The following SLC9A8 variants were observed in gnomAD, a reference collection of about 807,000 sequenced individuals.
SLC9A8 encodes the protein sodium/hydrogen exchanger 8.
A neutral mutation model predicts 66.6 loss-of-function variants in SLC9A8; 48 were observed. That is an observed-to-expected ratio of 0.72 (90% CI 0.57 to 0.92). SLC9A8 has a LOEUF of 0.92. Ranked by LOEUF, SLC9A8 falls within the 40% of genes least tolerant of loss-of-function variation. The probability of loss-of-function intolerance (pLI) is 0.00; values close to 1 mark genes in which losing one functional copy is unlikely to be tolerated. For synonymous variants in SLC9A8, 274 were observed against 282.6 expected, an observed-to-expected ratio of 0.97 and a Z score of 0.31; for missense variants, 599 against 747.3, an observed-to-expected ratio of 0.80 and a Z score of 2.31.
At chr20:49,860,445 G>A (rs1304304202) in intron 8 of SLC9A8, among the ~76,000 whole-genome samples, 2 of 152,104 alleles carry the variant, frequency 1.3e-5, no homozygotes, top group Admixed American at 6.6e-5. Flanking sequence ...GGCCTGGCAT[G>A]GTGGTTCATG....
At chr20:49,836,523 T>C (rs1035324946) in intron 3 of SLC9A8, among the ~76,000 whole-genome samples, 3 of 151,936 alleles carry the variant, frequency 2.0e-5, no homozygotes, top group African/African-American at 4.8e-5. Flanking sequence ...AGAGACGGGG[T>C]TTCACCATGT....
chr20:49,834,680 C>T (rs2087459928), intron 3 of SLC9A8, among the ~76,000 whole-genome samples: 1 of 151,748 alleles, frequency 6.6e-6, no homozygotes. Context: ...AATAATATCA[C>T]ATTGTATTTT....
rs2088808249 is a variant in SLC9A8, at chr20:49,862,946, C to G, written c.731C>G (p.Thr244Arg). The G allele has an allele frequency of 6.2e-7, 1 of 1,612,174 alleles. No homozygotes were observed. The highest frequency in any genetic ancestry group is 8.5e-7 in the Non-Finnish European group (1 of 1,178,714). The change falls in exon 9 of 16, where the codon ACA becomes AGA. Residue 244 changes from threonine (T) to arginine (R), a missense_variant. Thr to Arg is a moderately conservative substitution (Grantham distance 71). This residue lies in a region of SLC9A8 where 467 missense variants were observed against 626.5 expected (regional missense o/e 0.75). Transcript: ENST00000361573. Reference sequence around the variant, plus strand: ...TTTCCTAGCACAGCTGAAGGTTTAACAAGAAAAAATATGTCAGATGTCAGT... The same window carrying G: ...TTTCCTAGCACAGCTGAAGGTTTAAGAAGAAAAAATATGTCAGATGTCAGT... ...IVLTNTAEGL[T>R]RKNMSDVSGW...
chr20:49,816,235 C>T (rs1310632427), intron 2 of SLC9A8, among the ~76,000 whole-genome samples: 2 of 152,052 alleles, frequency 1.3e-5, no homozygotes, highest in East Asian at 3.9e-4. Flanking sequence ...GCCTGGCCAA[C>T]ATGGTGAAAC....
At chr20:49,834,465 C>CAGTG (rs2087446528) in intron 3 of SLC9A8, among the ~76,000 whole-genome samples, 1 of 64,444 alleles carries the variant, frequency 1.6e-5, no homozygotes, top group Non-Finnish European at 3.6e-5. Flanking sequence ...TATATATATA[C>CAGTG]TGTGTATATA....
At chr20:49,884,267 CACACACG>C (rs1350916671) in intron 14 of SLC9A8, 5 of 324,000 alleles carry the variant, frequency 1.5e-5, no homozygotes, top group Admixed American at 9.4e-5. Flanking sequence ...ACGACACACA[CACACACG>C]ACACACACAC....
At chr20:49,863,247 C>T (rs1037520738) in intron 9 of SLC9A8, among the ~76,000 whole-genome samples, 180 bp downstream of exon 9, 6 of 152,080 alleles carry the variant, frequency 3.9e-5, no homozygotes, top group African/African-American at 1.2e-4. Context: ...TTTAATCTAA[C>T]GTGAAATTTA....
intron 2 of SLC9A8, among the ~76,000 whole-genome samples, chr20:49,820,513 T>C (rs908769766): frequency 6.6e-6 from 1 of 151,886 alleles, no homozygotes; most frequent in Non-Finnish European, 1.5e-5. Context: ...AAAAAAATTA[T>C]AGCTATCCTA....
In SLC9A8 at chr20:49,812,907, C is replaced by G; in HGVS notation, c.-16C>G. ...CCCCGCGGCTCCGAACTCGGTGGTC[C>G]TGGAAGCTCCGCAGGATGGGGGAGA... On this transcript the variant is annotated 5_prime_UTR_variant, in exon 1 of 16. Coordinates refer to ENST00000361573, the MANE Select transcript of SLC9A8 (RefSeq NM_015266.3). 6.7e-7 allele frequency: 1 copy of G among 1,492,534 alleles called. No individual in the cohort carries two copies. Among genetic ancestry groups the G allele is most frequent in the South Asian group, 1.2e-5 (1 of 81,490 alleles). The allele number at this position is 1,492,534 out of a possible 1,614,324, so 92.5% of individuals were successfully genotyped here.
intron 5 of SLC9A8, among the ~76,000 whole-genome samples, chr20:49,846,190 T>C (rs74597310): frequency 0.037 from 5,612 of 152,294 alleles, 154 homozygotes; most frequent in East Asian, 0.096. Flanking sequence ...TTAAGCCTGC[T>C]TGTGTGCGTG....
At chr20:49,866,393 T>C (rs974901390) in intron 10 of SLC9A8, among the ~76,000 whole-genome samples, 2 of 152,252 alleles carry the variant, frequency 1.3e-5, no homozygotes, top group Admixed American at 6.5e-5. Flanking sequence ...GGATTAAGGC[T>C]GCTAGGTCAT....
chr20:49,876,650 C>A (rs1437871034), intron 11 of SLC9A8, among the ~76,000 whole-genome samples: 1 of 152,172 alleles, frequency 6.6e-6, no homozygotes, highest in Non-Finnish European at 1.5e-5. Flanking sequence ...CATTATCCCG[C>A]CAAGGGAAGA....
At chr20:49,834,329 CTG>C (rs201925240) in intron 3 of SLC9A8, among the ~76,000 whole-genome samples, 8 of 97,572 alleles carry the variant, frequency 8.2e-5, no homozygotes, top group Admixed American at 3.2e-4. Context: ...TATATATATA[CTG>C]TGTATATATA....
At chr20:49,838,793 G>A (rs548506838) in intron 3 of SLC9A8, among the ~76,000 whole-genome samples, 4 of 152,198 alleles carry the variant, frequency 2.6e-5, no homozygotes, top group Admixed American at 1.3e-4. Flanking sequence ...ACCTCCTACC[G>A]AGACTGTGAA....
intron 2 of SLC9A8, among the ~76,000 whole-genome samples, chr20:49,818,500 T>A (rs537446841): frequency 0.079 from 11,829 of 149,736 alleles, 293 homozygotes; most frequent in Middle Eastern, 0.12. Flanking sequence ...TTTTTTTTTT[T>A]TTCCCCCTGA....
Position 49,869,810 on chromosome 20 carries a change from C to T in SLC9A8, c.959-4895C>T, listed in dbSNP as rs368541901. Reference sequence around the variant, plus strand: ...ATCCTGCCACTGCACTCTAGCCTGGCGACAGAGCAAGACTCCATCTCAAAA... The same window carrying T: ...ATCCTGCCACTGCACTCTAGCCTGGTGACAGAGCAAGACTCCATCTCAAAA... On this transcript the variant is annotated intron_variant, in intron 10 of 15. Transcript: ENST00000361573. Among the ~76,000 whole-genome samples, 345 of 148,632 alleles carry T rather than the reference C, an allele frequency of 2.3e-3. 9 individuals are homozygous for T. In the South Asian group the frequency reaches 0.07, roughly 30 times the overall value.
chr20:49,854,126 G>T (rs1228451164), intron 7 of SLC9A8, among the ~76,000 whole-genome samples: 1 of 152,176 alleles, frequency 6.6e-6, no homozygotes, highest in Non-Finnish European at 1.5e-5. Flanking sequence ...TGGTGTTGTG[G>T]AAGGGGGCAG....
intron 11 of SLC9A8, among the ~76,000 whole-genome samples, chr20:49,875,602 T>A (rs2089394344): frequency 6.6e-6 from 1 of 152,120 alleles, no homozygotes; most frequent in Non-Finnish European, 1.5e-5. Context: ...GACATACCCA[T>A]GTATCTCCCC....
chr20:49,838,068 A>G (rs2087612357), intron 3 of SLC9A8, among the ~76,000 whole-genome samples: 1 of 144,954 alleles, frequency 6.9e-6, no homozygotes, highest in African/African-American at 2.6e-5. Flanking sequence ...ACACACACAC[A>G]CACAAACACT....
Sources: gnomAD v4.1 joint callset for allele counts (sites outside exome capture counted in the v4.1 genomes callset) on GRCh38, gnomAD v4.1.1 for gene constraint, gnomAD v4.1.1 regional missense constraint, MANE v1.5 for transcripts, NCBI Gene and HGNC (gene_info 2026-07-23, HGNC 2026-07-21) for gene names.